Variants in CMTR1 observed in about 807,000 individuals in gnomAD.
CMTR1 encodes the protein cap methyltransferase 1, also known as cap-specific mRNA (nucleoside-2'-O-)-methyltransferase 1.
In CMTR1, 39 loss-of-function variants were observed where a neutral mutation model predicts 107.0. The ratio of observed to expected loss-of-function variants is 0.36; its 90% CI spans 0.28 to 0.48. The LOEUF (loss-of-function observed/expected upper bound fraction) is 0.48, where lower values mean the gene tolerates loss of function less well. CMTR1 is among the 20% of genes least tolerant of loss of function. CMTR1 has a pLI of 0.99. For missense variants in CMTR1, 672 were observed against 1,064.9 expected (o/e 0.63, Z 5.14); for synonymous variants, 366 against 379.5 (o/e 0.96, Z 0.41).
At chr6:37,473,407 G>C in intron 16 of CMTR1, 63 bp from the exon 17 acceptor site, 1 of 1,562,778 alleles carries the variant, frequency 6.4e-7, no homozygotes. Flanking sequence ...CCCCAGCCCA[G>C]ATAGGCACCC....
intron 1 of CMTR1, among the ~76,000 whole-genome samples, chr6:37,433,716 C>G (rs1039634403): frequency 1.3e-5 from 2 of 152,202 alleles, no homozygotes; most frequent in Admixed American, 1.3e-4. Flanking sequence ...GGGATTTGAA[C>G]CCCTTCTGTG....
the CMTR1 span, among the ~76,000 whole-genome samples, chr6:37,425,775 C>T: frequency 4.9e-4 from 75 of 151,988 alleles, no homozygotes; most frequent in Non-Finnish European, 8.5e-4. Flanking sequence ...TCTTTGAGTT[C>T]ATTTTATTTG....
intron 3 of CMTR1, among the ~76,000 whole-genome samples, chr6:37,444,720 T>C (rs1771747207): frequency 6.6e-6 from 1 of 152,194 alleles, no homozygotes. Context: ...ACCTTCTGTC[T>C]TGCTTTAGAA....
intron 13 of CMTR1, among the ~76,000 whole-genome samples, chr6:37,466,057 G>C (rs1345745007): frequency 7.1e-6 from 1 of 141,064 alleles, no homozygotes; most frequent in Admixed American, 7.1e-5. Flanking sequence ...GGAAATCATT[G>C]TTAAATTCAA....
intron 2 of CMTR1, among the ~76,000 whole-genome samples, chr6:37,443,596 C>G (rs575673533): frequency 2.6e-5 from 4 of 152,178 alleles, no homozygotes; most frequent in Non-Finnish European, 4.4e-5. Context: ...CTCAAGTGAT[C>G]CGCCCACCTC....
At chr6:37,468,924 C>T (rs1229063164) in intron 13 of CMTR1, among the ~76,000 whole-genome samples, 38 of 151,780 alleles carry the variant, frequency 2.5e-4, no homozygotes, top group Non-Finnish European at 1.5e-5. Flanking sequence ...TGTATTTAGA[C>T]TGGGCATGGT....
At chr6:37,452,957 T>A (rs1761215655) in intron 6 of CMTR1, 90 bp from the exon 7 acceptor site, 2 of 1,106,396 alleles carry the variant, frequency 1.8e-6, no homozygotes, top group East Asian at 4.7e-5. Flanking sequence ...GGAATCTTGT[T>A]CCTTGGAGGG....
chr6:37,435,328 C>G (rs1581724380), intron 1 of CMTR1, among the ~76,000 whole-genome samples: 1 of 152,140 alleles, frequency 6.6e-6, no homozygotes, highest in Non-Finnish European at 1.5e-5. Flanking sequence ...GGCTTTATCC[C>G]CCAGTGGCTT....
At chr6:37,447,833 C>T (rs1234583571) in intron 4 of CMTR1, among the ~76,000 whole-genome samples, 1 of 150,812 alleles carries the variant, frequency 6.6e-6, no homozygotes, top group Non-Finnish European at 1.5e-5. Context: ...GCACTCTAGC[C>T]TTCCAGCCTG....
At position 37,471,097 on chromosome 6, in the gene CMTR1, C is replaced by T; in HGVS notation, c.1562+20C>T. ...AGACACGTGAGTGTTGCCCACTTTTCAGAAACCACCTATTTCAAGGGAAGA... is the reference window on the plus strand; with the variant it reads ...AGACACGTGAGTGTTGCCCACTTTTTAGAAACCACCTATTTCAAGGGAAGA... On this transcript the variant is annotated intron_variant, in intron 14 of 23. Transcript: ENST00000373451. 6.4e-7 allele frequency: 1 copy of T among 1,572,546 alleles called. No individual in the cohort carries two copies. The highest frequency in any genetic ancestry group is 8.6e-7 in the Non-Finnish European group (1 of 1,159,278).
intron 1 of CMTR1, among the ~76,000 whole-genome samples, chr6:37,434,904 G>A (rs774881321): frequency 1.2e-4 from 18 of 152,120 alleles, no homozygotes; most frequent in Non-Finnish European, 2.2e-4. Flanking sequence ...GAGCCACCGC[G>A]CCCAGCTGGT....
intron 13 of CMTR1, among the ~76,000 whole-genome samples, 166 bp from the exon 14 acceptor site, chr6:37,470,855 C>A (rs1761608648): frequency 6.6e-6 from 1 of 152,176 alleles, no homozygotes; most frequent in South Asian, 2.1e-4. Context: ...CTTCAGTAAG[C>A]CCCACATAAC....
At chr6:37,462,352 A>G (rs1761417107) in intron 12 of CMTR1, among the ~76,000 whole-genome samples, 1 of 152,174 alleles carries the variant, frequency 6.6e-6, no homozygotes. Context: ...GGCCAAGGAG[A>G]AAGTGACCAA....
rs1269877955 is a variant in CMTR1 at position 37,458,698 on chromosome 6, G to A, written c.864G>A (p.Leu288=). 8 of 1,614,134 alleles carry A rather than the reference G, an allele frequency of 5.0e-6. No homozygotes were observed. Among genetic ancestry groups the A allele is most frequent in the Non-Finnish European group, 6.8e-6 (8 of 1,180,026 alleles). ...CAGGTGGCTTCTCAGAGTATGTGCT[G>A]TGGAGGAAGAAGTGGCATGCAAAGG... ...AGPGGFSEYV[L]WRKKWHAKGF... The change falls in exon 9 of 24, where the codon CTG becomes CTA. Residue 288 remains leucine, a synonymous_variant. Transcript: ENST00000373451. The surrounding 1 kb of genome is among the most constrained non-coding windows in gnomAD (Gnocchi z 4.7).
chr6:37,463,363 T>A (rs182308569), intron 13 of CMTR1, among the ~76,000 whole-genome samples: 418 of 152,338 alleles, frequency 2.7e-3, no homozygotes, highest in Admixed American at 5.2e-3. Context: ...GCTTGTTGCC[T>A]GGTGAAGTCC....
chr6:37,446,805 C>G (rs370313397), intron 4 of CMTR1, among the ~76,000 whole-genome samples: 3 of 152,184 alleles, frequency 2.0e-5, no homozygotes, highest in African/African-American at 2.4e-5. Context: ...TTCAGGCAGG[C>G]CAAGGGAGCA....
chr6:37,434,549 A>AT (rs913372590), intron 1 of CMTR1, among the ~76,000 whole-genome samples: 2 of 151,948 alleles, frequency 1.3e-5, no homozygotes, highest in African/African-American at 4.8e-5. Context: ...ATTCCATCTT[A>AT]TTTTTTTCTC....
At chr6:37,451,675 A>C (rs1241633692) in intron 5 of CMTR1, 131 bp from the exon 6 acceptor site, 1 of 658,006 alleles carries the variant, frequency 1.5e-6, no homozygotes, top group Non-Finnish European at 2.7e-6. Context: ...CCCACCCTTC[A>C]GGGATTGATG....
At chr6:37,455,915 C>T (rs1761283350) in intron 8 of CMTR1, among the ~76,000 whole-genome samples, 1 of 152,220 alleles carries the variant, frequency 6.6e-6, no homozygotes, top group African/African-American at 2.4e-5. Context: ...CAAGCTCAAG[C>T]TTAATGACTT....
Sources: gnomAD v4.1 joint callset for allele counts (sites outside exome capture counted in the v4.1 genomes callset) on GRCh38, gnomAD v4.1.1 for gene constraint, Gnocchi (gnomAD v3.1) non-coding constraint, MANE v1.5 for transcripts, NCBI Gene and HGNC (gene_info 2026-07-23, HGNC 2026-07-21) for gene names.